Variants in PRCD observed in about 807,000 individuals in gnomAD.
The protein encoded by PRCD is photoreceptor disc component, also known as photoreceptor disk component PRCD.
PRCD carries 12 observed loss-of-function variants against 10.1 expected under a neutral mutation model. That is an observed-to-expected ratio of 1.18 (90% CI 0.76 to 1.92). The LOEUF (loss-of-function observed/expected upper bound fraction) is 1.92. Among genes scored for constraint, PRCD ranks in the 40% most tolerant of loss-of-function variants. PRCD has a pLI of 0.00. For missense variants in PRCD, 61 were observed against 72.2 expected (o/e 0.84, Z 0.56); for synonymous variants, 31 against 26.2 (o/e 1.18, Z -0.56).
intron 1 of PRCD, among the ~76,000 whole-genome samples, chr17:76,532,728 G>A (rs1247072067): frequency 6.6e-6 from 1 of 151,918 alleles, no homozygotes; most frequent in South Asian, 2.1e-4. Context: ...GTAGAGACAG[G>A]GTTTCACCAT....
Position 76,540,502 on chromosome 17 carries a change from C to G in PRCD, c.75-3C>G, listed in dbSNP as rs200091367. On this transcript the variant is annotated splice_polypyrimidine_tract_variant and splice_region_variant and intron_variant, in intron 1 of 4. Transcript: ENST00000592014. The surrounding 1 kb of genome is among the most constrained non-coding windows in gnomAD (Gnocchi z 5.0). The stretch of plus-strand genomic sequence containing the variant: ...TCTTCCTCCCTACTCTTGCCTCCCA[C>G]AGAGAGCCCAGCGACGTGGATGGGG... The G allele has an allele frequency of 6.1e-5, 98 of 1,613,698 alleles. No homozygotes were observed. Among genetic ancestry groups the G allele is most frequent in the Non-Finnish European group, 7.5e-5 (89 of 1,179,902 alleles).
Position 76,540,602 on chromosome 17 carries a change from G to A in PRCD, c.143+29G>A. 6.2e-7 allele frequency: 1 copy of A among 1,608,262 alleles called. No homozygotes were observed. The highest frequency in any genetic ancestry group is 1.3e-5 in the African/African-American group (1 of 74,962). The stretch of plus-strand genomic sequence containing the variant: ...AGGCAGGAGTCTGGGCTGGGGGAGG[G>A]AGGGTGCTGCCAAGGAAGCTGTGGC... On this transcript the variant is annotated intron_variant, in intron 2 of 4. Transcript: ENST00000592014. This position sits in a 1 kb window ranked among gnomAD's most constrained non-coding sequence, Gnocchi z 5.0.
At chr17:76,527,763 T>C (rs918157070), upstream of PRCD, 2 of 453,934 alleles carry the variant, frequency 4.4e-6, no homozygotes, top group Non-Finnish European at 4.4e-6. Context: ...GTTTCTGGAC[T>C]GAGGCCCCTC....
At chr17:76,538,640 A>G (rs1018867359), upstream of PRCD, 13 of 356,758 alleles carry the variant, frequency 3.6e-5, no homozygotes, top group African/African-American at 2.7e-4. Context: ...GGGACATCTC[A>G]GCCGCCACCA....
chr17:76,532,789 A>G (rs1466109857), intron 1 of PRCD, among the ~76,000 whole-genome samples: 7 of 152,088 alleles, frequency 4.6e-5, no homozygotes, highest in Non-Finnish European at 7.4e-5. Context: ...CGCCTGCCTC[A>G]GCCTCCCAAA....
At chr17:76,538,462 CG>C (rs1567909921), upstream of PRCD, 5 of 465,336 alleles carry the variant, frequency 1.1e-5, no homozygotes, top group Admixed American at 9.5e-5. Flanking sequence ...ACGAACGCGG[CG>C]GCGGCGGCCA....
At chr17:76,548,357 A>C (rs540484653), downstream of PRCD, among the ~76,000 whole-genome samples, 125 of 152,380 alleles carry the variant, frequency 8.2e-4, no homozygotes, top group Non-Finnish European at 1.4e-3. Context: ...ACTAAGCATT[A>C]AAATAAATTA....
At chr17:76,548,344 TGAA>T (rs1307988216), downstream of PRCD, among the ~76,000 whole-genome samples, 2 of 152,248 alleles carry the variant, frequency 1.3e-5, no homozygotes, top group African/African-American at 4.8e-5. Context: ...AGAAGCCATT[TGAA>T]CTAAGCATTA....
chr17:76,540,260 G>GGGGGCA lies in PRCD; in HGVS notation c.74+48_74+49insGCAGGG. ...ATGGCTGGCGGTTGGTCGGGGGGGG[G>GGGGGCA]GGGCATGGGGCTGGGCTGCCACCAA... is the stretch of plus-strand genomic sequence containing the variant. On this transcript the variant is annotated intron_variant, in intron 1 of 4. Coordinates refer to ENST00000592014, the MANE Select transcript of PRCD (RefSeq NM_001077620.3). The surrounding 1 kb of genome is among the most constrained non-coding windows in gnomAD (Gnocchi z 5.0). 1 of 933,210 alleles carries GGGGGCA rather than the reference G, an allele frequency of 1.1e-6. No homozygotes were observed. Among genetic ancestry groups the GGGGGCA allele is most frequent in the Non-Finnish European group, 1.7e-6 (1 of 590,200 alleles). 57.8% of individuals were successfully genotyped at this position (933,210 alleles called of 1,614,324 possible). A position where few individuals can be genotyped will look rare whatever the true frequency, so the allele number is the denominator to read the frequency against.
chr17:76,534,649 T>A (rs941518293), intron 1 of PRCD, among the ~76,000 whole-genome samples: 1 of 152,218 alleles, frequency 6.6e-6, no homozygotes, highest in Admixed American at 6.5e-5. Context: ...GGAATTGATG[T>A]CCAAGATTGC....
At position 76,531,350 on chromosome 17, in the gene PRCD, C is replaced by A; in HGVS notation, n.45+3517C>A. Reference sequence around the variant, plus strand: ...GGGCACTGCCCCTCCCTCTCGCAGCCACTCCGGGGATCACCTCTGTTGCTC... The same window carrying A: ...GGGCACTGCCCCTCCCTCTCGCAGCAACTCCGGGGATCACCTCTGTTGCTC... On this transcript the variant is annotated intron_variant and non_coding_transcript_variant, in intron 1 of 4. Coordinates refer to the PRCD transcript ENST00000397633. The surrounding 1 kb of genome is among the most constrained non-coding windows in gnomAD (Gnocchi z 7.4). 7.2e-7 allele frequency: 1 copy of A among 1,382,022 alleles called. No individual in the cohort carries two copies. Among genetic ancestry groups the A allele is most frequent in the Non-Finnish European group, 9.9e-7 (1 of 1,010,920 alleles). 85.6% of individuals were successfully genotyped at this position (1,382,022 alleles called of 1,614,324 possible). A position where few individuals can be genotyped will look rare whatever the true frequency, so the allele number is the denominator to read the frequency against.
rs939688942 is a variant in PRCD, at chr17:76,530,741, C to G, written n.45+2908C>G. Among the ~76,000 whole-genome samples, 4 of 152,130 alleles carry G rather than the reference C, an allele frequency of 2.6e-5. No individual in the cohort carries two copies. Among genetic ancestry groups the G allele is most frequent in the Admixed American group, 2.6e-4 (4 of 15,270 alleles). On this transcript the variant is annotated intron_variant and non_coding_transcript_variant, in intron 1 of 4. Coordinates refer to the PRCD transcript ENST00000397633. This position sits in a 1 kb window ranked among gnomAD's most constrained non-coding sequence, Gnocchi z 6.1. The stretch of plus-strand genomic sequence containing the variant: ...CCTGGCTCTAGGGAAGGGGAAGGCT[C>G]TTTGGGAGGATTTTTGCTCAGGGCT...
rs995286483 is a variant in PRCD, at chr17:76,530,645, G to T, written n.45+2812G>T. On this transcript the variant is annotated intron_variant and non_coding_transcript_variant, in intron 1 of 4. Coordinates refer to the PRCD transcript ENST00000397633. The surrounding 1 kb of genome is among the most constrained non-coding windows in gnomAD (Gnocchi z 6.1). ...TGGGCTGCCTCCGAGCCTGATGATC[G>T]GACCTTACCGCCAGGAGCCTCTGGC... is the stretch of plus-strand genomic sequence containing the variant. Among the ~76,000 whole-genome samples the T allele has an allele frequency of 6.6e-6, 1 of 152,162 alleles. No homozygotes were observed.
At chr17:76,537,976 G>A (rs1567909568), upstream of PRCD, 1 of 151,236 alleles carries the variant, frequency 6.6e-6, no homozygotes, top group Non-Finnish European at 1.5e-5. Context: ...GGGGGTCCCG[G>A]GAGGAATGGG....
chr17:76,538,238 G>C (rs910814714), upstream of PRCD: 1 of 185,528 alleles, frequency 5.4e-6, no homozygotes, highest in Non-Finnish European at 1.1e-5. Context: ...GGCTCCCCTC[G>C]CCCGGGCCTC....
chr17:76,540,003 G>C, upstream of PRCD: 1 of 885,248 alleles, frequency 1.1e-6, no homozygotes, highest in Admixed American at 2.2e-5. This position sits in a 1 kb window ranked among gnomAD's most constrained non-coding sequence, Gnocchi z 5.0. Context: ...CCACTAATCA[G>C]CTTGAGCCTC....
chr17:76,543,233 C>T (rs540427257), intron 4 of PRCD, 112 bp downstream of exon 4: 27 of 376,352 alleles, frequency 7.2e-5, no homozygotes, highest in Non-Finnish European at 1.0e-4. Flanking sequence ...CAGACGTGCT[C>T]GCTGCTCTCG....
chr17:76,528,545 G>T lies in PRCD; in HGVS notation n.45+712G>T. 2 of 1,289,296 alleles carry T rather than the reference G, an allele frequency of 1.6e-6. No homozygotes were observed. The highest frequency in any genetic ancestry group is 3.1e-5 in the East Asian group (1 of 32,604). The allele number at this position is 1,289,296 out of a possible 1,614,324, so 79.9% of individuals were successfully genotyped here. A position where few individuals can be genotyped will look rare whatever the true frequency, so the allele number is the denominator to read the frequency against. The stretch of plus-strand genomic sequence containing the variant: ...TTCAGAACTCGGCCTTCTGCTCGAG[G>T]TGCTGCCAGGGAGGGGGGTGGAGTT... On this transcript the variant is annotated intron_variant and non_coding_transcript_variant, in intron 1 of 4. Coordinates refer to the PRCD transcript ENST00000397633. This position sits in a 1 kb window ranked among gnomAD's most constrained non-coding sequence, Gnocchi z 5.8.
At chr17:76,538,402 G>A (rs2074947998), upstream of PRCD, 3 of 409,214 alleles carry the variant, frequency 7.3e-6, no homozygotes, top group South Asian at 1.7e-5. Flanking sequence ...TCGGGCGCCA[G>A]AGGCCTGCGC....
Sources: gnomAD v4.1 joint callset for allele counts (sites outside exome capture counted in the v4.1 genomes callset) on GRCh38, gnomAD v4.1.1 for gene constraint, Gnocchi (gnomAD v3.1) non-coding constraint, MANE v1.5 for transcripts, NCBI Gene and HGNC (gene_info 2026-07-23, HGNC 2026-07-21) for gene names.